Variants in NT5DC1 observed in about 807,000 individuals in gnomAD.
The protein encoded by NT5DC1 is 5'-nucleotidase domain-containing protein 1.
In NT5DC1, 42 loss-of-function variants were observed where a neutral mutation model predicts 59.4. The ratio of observed to expected loss-of-function variants is 0.71; its 90% CI spans 0.55 to 0.92. The LOEUF is 0.92. Among genes scored for constraint, NT5DC1 ranks in the 40% least tolerant of loss-of-function variants. The pLI is 0.00. For missense variants in NT5DC1, 501 were observed against 537.1 expected, an observed-to-expected ratio of 0.93 and a Z score of 0.66; for synonymous variants, 172 against 188.1, an observed-to-expected ratio of 0.91 and a Z score of 0.70.
intron 6 of NT5DC1, among the ~76,000 whole-genome samples, chr6:116,146,852 A>G (rs1779910086): frequency 6.6e-6 from 1 of 151,980 alleles, no homozygotes. Flanking sequence ...ATGGATAGCC[A>G]TCTGAAAAAA....
intron 6 of NT5DC1, among the ~76,000 whole-genome samples, chr6:116,149,290 A>G (rs1478452687): frequency 6.6e-6 from 1 of 152,206 alleles, no homozygotes; most frequent in African/African-American, 2.4e-5. Flanking sequence ...GCTTAAGTAT[A>G]TGTTTTCATC....
At chr6:116,101,045 G>A in intron 1 of NT5DC1, 22 bp downstream of exon 1, 11 of 1,519,220 alleles carry the variant, frequency 7.2e-6, no homozygotes, top group Non-Finnish European at 9.9e-6. Context: ...GGGCTCCGGG[G>A]CGCACTGCGC....
At chr6:116,191,361 G>A (rs1226715148) in intron 6 of NT5DC1, among the ~76,000 whole-genome samples, 1 of 151,952 alleles carries the variant, frequency 6.6e-6, no homozygotes, top group Admixed American at 6.6e-5. Context: ...AAACCCTACT[G>A]TACTTACTGT....
At chr6:116,101,324 G>A (rs550980056) in intron 1 of NT5DC1, among the ~76,000 whole-genome samples, 2 of 152,148 alleles carry the variant, frequency 1.3e-5, no homozygotes, top group African/African-American at 4.8e-5. Context: ...TTCTAGGGCC[G>A]AGGAGGGGCG....
At chr6:116,203,913 T>G (rs1418200223) in intron 6 of NT5DC1, among the ~76,000 whole-genome samples, 1 of 151,932 alleles carries the variant, frequency 6.6e-6, no homozygotes, top group Non-Finnish European at 1.5e-5. Context: ...CTATAATTAT[T>G]ATCATAATTT....
At chr6:116,231,864 A>G (rs1287644244) in intron 8 of NT5DC1, among the ~76,000 whole-genome samples, 1 of 152,270 alleles carries the variant, frequency 6.6e-6, no homozygotes, top group Non-Finnish European at 1.5e-5. Flanking sequence ...CAAGTTGCAG[A>G]GCCTCATGCA....
chr6:116,109,084 C>T (rs554372183), intron 3 of NT5DC1, among the ~76,000 whole-genome samples: 1 of 152,210 alleles, frequency 6.6e-6, no homozygotes, highest in Non-Finnish European at 1.5e-5. Context: ...CTGTCTCTCA[C>T]AGGGCACCAG....
intron 4 of NT5DC1, among the ~76,000 whole-genome samples, chr6:116,115,426 T>G (rs1489860143): frequency 1.3e-5 from 2 of 152,216 alleles, no homozygotes; most frequent in African/African-American, 4.8e-5. Context: ...CTCTTTTTAG[T>G]TTTTACATTC....
chr6:116,108,455 A>C lies in NT5DC1; in HGVS notation c.257+20A>C, dbSNP rs753709733. Reference sequence around the variant, plus strand: ...TCTCAGGTAATAAAACTTAGTTGTGAAGTCTAAACTTTACCTTCTCTGAGA... The same window carrying C: ...TCTCAGGTAATAAAACTTAGTTGTGCAGTCTAAACTTTACCTTCTCTGAGA... On this transcript the variant is annotated intron_variant, in intron 3 of 11. Transcript: ENST00000319550. 6.7e-7 allele frequency: 1 copy of C among 1,489,730 alleles called. No homozygotes were observed. Among genetic ancestry groups the C allele is most frequent in the South Asian group, 1.1e-5 (1 of 88,558 alleles). 92.3% of individuals were successfully genotyped at this position (1,489,730 alleles called of 1,614,324 possible). A position where few individuals can be genotyped will look rare whatever the true frequency, so the allele number is the denominator to read the frequency against.
At chr6:116,102,528 T>G (rs779208469) in intron 1 of NT5DC1, among the ~76,000 whole-genome samples, 1 of 152,206 alleles carries the variant, frequency 6.6e-6, no homozygotes, top group Non-Finnish European at 1.5e-5. Context: ...TCCTCTTTAG[T>G]TACCTTCATT....
In NT5DC1 at chr6:116,190,797, G is replaced by GAC. The variant is rs1781100013; in HGVS notation, c.530-30255_530-30254dup. On this transcript the variant is annotated intron_variant, in intron 6 of 11. Coordinates refer to ENST00000319550, the MANE Select transcript of NT5DC1 (RefSeq NM_152729.3). ...GAATCGTTCTGCTGAGGGGGCAAGT[G>GAC]ACAGGTCTGCTGGATTTCAGTAATC... Among the ~76,000 whole-genome samples the GAC allele has an allele frequency of 2.6e-5, 4 of 152,166 alleles. No homozygotes were observed. In the South Asian group the frequency reaches 8.3e-4, roughly 32 times the overall value.
rs956666578 is a variant in NT5DC1 at position 116,245,333 on chromosome 6, T to C, written c.*1309T>C. The C allele has an allele frequency of 6.6e-6, 1 of 152,584 alleles. No homozygotes were observed. The highest frequency in any genetic ancestry group is 2.4e-5 in the African/African-American group (1 of 41,450). The allele number at this position is 152,584 out of a possible 1,614,324, so 9.5% of individuals were successfully genotyped here. ...TGGTTTACAAACACTATCATTATTT[T>C]ACCTGGATTGAAGTGCAGAATTTGG... is the stretch of plus-strand genomic sequence containing the variant. On this transcript the variant is annotated 3_prime_UTR_variant, in exon 12 of 12. Coordinates refer to ENST00000319550, the MANE Select transcript of NT5DC1 (RefSeq NM_152729.3).
chr6:116,226,429 G>T (rs1289550416), intron 8 of NT5DC1, among the ~76,000 whole-genome samples: 1 of 151,748 alleles, frequency 6.6e-6, no homozygotes, highest in Non-Finnish European at 1.5e-5. Context: ...TTAACATGTT[G>T]GAAATTATAA....
chr6:116,141,902 ACACACACACACAC>A (rs1281911862), intron 6 of NT5DC1, among the ~76,000 whole-genome samples: 1 of 151,088 alleles, frequency 6.6e-6, no homozygotes, highest in African/African-American at 2.4e-5. Context: ...ACACACACAC[ACACACACACACAC>A]ACACACACAC....
At chr6:116,186,939 A>G (rs758019196) in intron 6 of NT5DC1, among the ~76,000 whole-genome samples, 14 of 152,012 alleles carry the variant, frequency 9.2e-5, no homozygotes, top group Admixed American at 3.9e-4. Context: ...GGTGTTAACC[A>G]TGTTTGTCAT....
chr6:116,216,133 A>G (rs916059562), intron 6 of NT5DC1, among the ~76,000 whole-genome samples: 4 of 152,122 alleles, frequency 2.6e-5, no homozygotes, highest in Non-Finnish European at 5.9e-5. Context: ...TTTAAAGATC[A>G]TCAACCACAA....
chr6:116,151,154 C>T lies in NT5DC1; in HGVS notation c.529+33209C>T, dbSNP rs73772288. On this transcript the variant is annotated intron_variant, in intron 6 of 11. Transcript: ENST00000319550. ...ATCTGCTCAGCCTTCTTTTTGCTTC[C>T]GGGCAGCTATCTAGCCCATATTCCT... 4.9e-3 allele frequency among the ~76,000 whole-genome samples: 740 copies of T among 152,104 alleles called. 12 individuals are homozygous for T. Among genetic ancestry groups the T allele is most frequent in the South Asian group, 0.043 (208 of 4,818 alleles).
At chr6:116,125,352 G>A (rs754619889) in intron 6 of NT5DC1, 1 of 1,613,510 alleles carries the variant, frequency 6.2e-7, no homozygotes, top group African/African-American at 1.3e-5. Context: ...TACTCTTTAT[G>A]GTGTAGGGAA....
intron 6 of NT5DC1, among the ~76,000 whole-genome samples, chr6:116,142,885 T>G (rs1383905916): frequency 1.3e-5 from 2 of 152,192 alleles, no homozygotes. Flanking sequence ...CACATATATG[T>G]CAGTCTGAAT....
Sources: gnomAD v4.1 joint callset for allele counts (sites outside exome capture counted in the v4.1 genomes callset) on GRCh38, gnomAD v4.1.1 for gene constraint, MANE v1.5 for transcripts, NCBI Gene and HGNC (gene_info 2026-07-23, HGNC 2026-07-21) for gene names.